Variants in PALLD observed in about 807,000 individuals in gnomAD.
The protein encoded by PALLD is palladin.
PALLD carries 61 observed loss-of-function variants against 123.5 expected under a neutral mutation model. The ratio of observed to expected loss-of-function variants is 0.49; its 90% confidence interval spans 0.40 to 0.61. The LOEUF is 0.61. Among genes scored for constraint, PALLD ranks in the 20% least tolerant of loss-of-function variants. The pLI is 0.00. For missense variants in PALLD, 1,273 were observed against 1,377.0 expected, an observed-to-expected ratio of 0.92 and a Z score of 1.20; for synonymous variants, 465 against 496.4, an observed-to-expected ratio of 0.94 and a Z score of 0.84.
At chr4:168,830,984 C>T (rs1479777946) in intron 10 of PALLD, among the ~76,000 whole-genome samples, 1 of 152,134 alleles carries the variant, frequency 6.6e-6, no homozygotes, top group African/African-American at 2.4e-5. Flanking sequence ...TATTACCATT[C>T]ATTCATTCAT....
chr4:168,792,326 T>TA (rs138452991), intron 10 of PALLD, among the ~76,000 whole-genome samples: 19,983 of 150,578 alleles, frequency 0.13, 1,581 homozygotes, highest in Non-Finnish European at 0.18. Context: ...AGGGTTCCTT[T>TA]AAAAAAAAAT....
In PALLD at chr4:168,926,803, G is replaced by A. The variant is rs1005208325; in HGVS notation, c.*623G>A. On this transcript the variant is annotated 3_prime_UTR_variant, in exon 22 of 22. Coordinates refer to ENST00000505667, the MANE Select transcript of PALLD (RefSeq NM_001166108.2). Reference sequence around the variant, plus strand: ...CCACAAACAGTACTACAATGATTCTGAAGCACAGTGTATTCAGACAGATAC... The same window carrying A: ...CCACAAACAGTACTACAATGATTCTAAAGCACAGTGTATTCAGACAGATAC... 1.3e-5 allele frequency: 3 copies of A among 227,116 alleles called. No individual in the cohort carries two copies. The highest frequency in any genetic ancestry group is 6.7e-5 in the African/African-American group (3 of 44,810). The allele number at this position is 227,116 out of a possible 1,614,324, so 14.1% of individuals were successfully genotyped here. A position where few individuals can be genotyped will look rare whatever the true frequency, so the allele number is the denominator to read the frequency against.
chr4:168,889,374 A>G (rs1581926101), intron 10 of PALLD, among the ~76,000 whole-genome samples: 2 of 151,564 alleles, frequency 1.3e-5, no homozygotes, highest in African/African-American at 4.9e-5. Context: ...ATGTTGGCCA[A>G]GCTGGTCTCC....
intron 2 of PALLD, chr4:168,598,363 G>T: frequency 1.7e-6 from 1 of 582,366 alleles, no homozygotes; most frequent in South Asian, 1.5e-5. Flanking sequence ...GGAACTGTTT[G>T]GCTAACTTCC....
At chr4:168,649,971 C>T (rs1479728945) in intron 2 of PALLD, among the ~76,000 whole-genome samples, 5 of 152,024 alleles carry the variant, frequency 3.3e-5, no homozygotes, top group East Asian at 3.9e-4. Flanking sequence ...GTCAGGAGTT[C>T]GAGACTAGCC....
At chr4:168,724,156 G>A (rs1331357179) in intron 10 of PALLD, among the ~76,000 whole-genome samples, 1 of 152,098 alleles carries the variant, frequency 6.6e-6, no homozygotes, top group East Asian at 1.9e-4. Flanking sequence ...TATTGAACAA[G>A]CCCAATTCCT....
chr4:168,776,478 C>T (rs1735184904), intron 10 of PALLD, among the ~76,000 whole-genome samples: 1 of 152,208 alleles, frequency 6.6e-6, no homozygotes, highest in African/African-American at 2.4e-5. Context: ...CCTTTCCAAA[C>T]TAGATGCCTG....
chr4:168,512,090 G>C lies in PALLD; in HGVS notation c.586G>C (p.Glu196Gln). The part of the protein sequence containing the change: ...AKPRNRSPNG[E>Q]SSSPDSGYLS... Reference sequence around the variant, plus strand: ...GCCAAGAAACAGAAGCCCAAATGGGGAGTCCTCGTCACCAGACAGTGGGTA... The same window carrying C: ...GCCAAGAAACAGAAGCCCAAATGGGCAGTCCTCGTCACCAGACAGTGGGTA... The change falls in exon 2 of 22, where the codon GAG becomes CAG. Residue 196 changes from glutamate to glutamine, a missense_variant. Physicochemically the swap from Glu to Gln is conservative, Grantham distance 29. This residue lies in a region of PALLD where 944 missense variants were observed against 954.5 expected (regional missense o/e 0.99). Transcript: ENST00000505667. 6.2e-7 allele frequency: 1 copy of C among 1,614,190 alleles called. No individual in the cohort carries two copies. The highest frequency in any genetic ancestry group is 8.5e-7 in the Non-Finnish European group (1 of 1,180,030).
At chr4:168,924,150 G>C (rs1358491621) in intron 18 of PALLD, 105 bp from the exon 19 acceptor site, 5 of 981,542 alleles carry the variant, frequency 5.1e-6, no homozygotes, top group Non-Finnish European at 8.0e-6. Context: ...GTAAAAAATG[G>C]TATCATAAAA....
At chr4:168,891,124 A>G in intron 11 of PALLD, 67 bp downstream of exon 11, 1 of 1,467,274 alleles carries the variant, frequency 6.8e-7, no homozygotes, top group Non-Finnish European at 9.6e-7. Context: ...CCTTTCTCTA[A>G]GACTTAGGTT....
chr4:168,712,132 C>A, intron 10 of PALLD: 1 of 611,424 alleles, frequency 1.6e-6, no homozygotes, highest in Non-Finnish European at 2.9e-6. Flanking sequence ...CTGCCCTTTG[C>A]TGAAAGCTAT....
At chr4:168,866,471 C>T (rs961502951) in intron 10 of PALLD, among the ~76,000 whole-genome samples, 1 of 152,114 alleles carries the variant, frequency 6.6e-6, no homozygotes, top group African/African-American at 2.4e-5. Flanking sequence ...ATATATGTCT[C>T]TTGATTTTTC....
chr4:168,573,419 G>A (rs1458228694), intron 2 of PALLD, among the ~76,000 whole-genome samples: 1 of 152,010 alleles, frequency 6.6e-6, no homozygotes, highest in African/African-American at 2.4e-5. Flanking sequence ...CTTATCAGCT[G>A]AGTTTGTCTG....
At chr4:168,888,574 G>A (rs894170678) in intron 10 of PALLD, among the ~76,000 whole-genome samples, 11 of 152,138 alleles carry the variant, frequency 7.2e-5, no homozygotes, top group African/African-American at 1.7e-4. Context: ...TGAAAGAAGA[G>A]GGGCATTTCT....
intron 2 of PALLD, among the ~76,000 whole-genome samples, chr4:168,579,483 G>A (rs529112108): frequency 2.6e-5 from 4 of 151,958 alleles, no homozygotes; most frequent in South Asian, 4.2e-4. Flanking sequence ...GCAATACAGC[G>A]CACAAATATG....
intron 10 of PALLD, among the ~76,000 whole-genome samples, chr4:168,852,978 A>G (rs1363702686): frequency 6.6e-6 from 1 of 152,190 alleles, no homozygotes; most frequent in African/African-American, 2.4e-5. Flanking sequence ...TTACTGTTAA[A>G]CTTTACAAAA....
At chr4:168,875,018 G>C (rs1751551000) in intron 10 of PALLD, among the ~76,000 whole-genome samples, 1 of 151,728 alleles carries the variant, frequency 6.6e-6, no homozygotes, top group African/African-American at 2.4e-5. Flanking sequence ...TTTGCAACTA[G>C]GGCTATCTAG....
At chr4:168,510,966 G>A (rs1000421804) in intron 1 of PALLD, among the ~76,000 whole-genome samples, 2 of 152,144 alleles carry the variant, frequency 1.3e-5, no homozygotes, top group African/African-American at 4.8e-5. Flanking sequence ...CACATAACTG[G>A]AGACAATAAA....
At chr4:168,876,153 T>C (rs886072992) in intron 10 of PALLD, among the ~76,000 whole-genome samples, 6 of 152,178 alleles carry the variant, frequency 3.9e-5, no homozygotes, top group Non-Finnish European at 7.3e-5. Context: ...CATGCTGCCC[T>C]ATTGAGGAAA....
Sources: gnomAD v4.1 joint callset for allele counts (sites outside exome capture counted in the v4.1 genomes callset) on GRCh38, gnomAD v4.1.1 for gene constraint, gnomAD v4.1.1 regional missense constraint, MANE v1.5 for transcripts, NCBI Gene and HGNC (gene_info 2026-07-23, HGNC 2026-07-21) for gene names.